The following USP10 variants were observed in gnomAD, a reference collection of about 807,000 sequenced individuals.
USP10 encodes ubiquitin specific peptidase 10.
In USP10, 22 loss-of-function variants were observed where a neutral mutation model predicts 84.5. That is an observed-to-expected ratio of 0.26 (90% confidence interval 0.19 to 0.37). USP10 has a LOEUF of 0.37. Among genes scored for constraint, USP10 ranks in the 10% least tolerant of loss-of-function variants. The pLI, the probability that USP10 is intolerant of heterozygous loss-of-function variation, is 1.00. For synonymous variants in USP10, 454 were observed against 387.6 expected, an observed-to-expected ratio of 1.17 and a Z score of -2.01; for missense variants, 1,019 against 998.9, an observed-to-expected ratio of 1.02 and a Z score of -0.27.
At chr16:84,701,426 C>G (rs1350717276) in intron 1 of USP10, among the ~76,000 whole-genome samples, 1 of 151,872 alleles carries the variant, frequency 6.6e-6, no homozygotes, top group Non-Finnish European at 1.5e-5. Flanking sequence ...AATGTATAGC[C>G]CAAAGATTTT....
chr16:84,763,160 T>A, intron 9 of USP10, 72 bp downstream of exon 9: 1 of 869,810 alleles, frequency 1.1e-6, no homozygotes, highest in Admixed American at 2.1e-5. Context: ...ACTCATATGT[T>A]ATGTTGCTTC....
rs896199143 is a variant in USP10 at position 84,768,049 on chromosome 16, C to A, written c.1833-144C>A. 7.0e-5 allele frequency: 56 copies of A among 803,426 alleles called. No individual in the cohort carries two copies. In the East Asian group the frequency reaches 1.4e-3, roughly 21 times the overall value. The allele number at this position is 803,426 out of a possible 1,614,324, so 49.8% of individuals were successfully genotyped here. ...TCTTCAGCAGAATTATTTTTAAATT[C>A]AGTATATTTTTGGCTTTTCTCTGTG... On this transcript the variant is annotated intron_variant, in intron 10 of 13. Transcript: ENST00000219473.
chr16:84,768,938 A>G (rs1914144758), intron 11 of USP10, among the ~76,000 whole-genome samples: 1 of 152,224 alleles, frequency 6.6e-6, no homozygotes, highest in Non-Finnish European at 1.5e-5. Context: ...AGTCCTTGTC[A>G]ACTCAGTTGG....
chr16:84,764,069 G>A lies in USP10; in HGVS notation c.1655-17G>A, dbSNP rs1422119300. 1.9e-6 allele frequency: 3 copies of A among 1,607,634 alleles called. No homozygotes were observed. The highest frequency in any genetic ancestry group is 1.3e-5 in the African/African-American group (1 of 74,354). ...CTTGTCGTAAATAGTAGTGTAAGCA[G>A]ATGCTCTCCTTTTCAGAACTTACGA... is the stretch of plus-strand genomic sequence containing the variant. On this transcript the variant is annotated splice_polypyrimidine_tract_variant and intron_variant, in intron 9 of 13. Coordinates refer to ENST00000219473, the MANE Select transcript of USP10 (RefSeq NM_005153.3).
chr16:84,737,567 G>T (rs1003530973), intron 2 of USP10, among the ~76,000 whole-genome samples: 1 of 152,154 alleles, frequency 6.6e-6, no homozygotes, highest in Non-Finnish European at 1.5e-5. Context: ...CTGCAGGTGC[G>T]CTCTTTTATC....
chr16:84,707,949 T>C (rs1365022500), intron 1 of USP10, among the ~76,000 whole-genome samples: 1 of 151,974 alleles, frequency 6.6e-6, no homozygotes, highest in Non-Finnish European at 1.5e-5. Flanking sequence ...ATGGTGGTGC[T>C]CTCCTGTAGT....
At chr16:84,748,168 A>G (rs1248070948) in intron 4 of USP10, among the ~76,000 whole-genome samples, 1 of 151,388 alleles carries the variant, frequency 6.6e-6, no homozygotes, top group Non-Finnish European at 1.5e-5. Context: ...AAAAAAAAAA[A>G]AAAAAAAAAG....
intron 10 of USP10, among the ~76,000 whole-genome samples, chr16:84,765,989 A>G (rs987823731): frequency 7.2e-5 from 11 of 152,108 alleles, no homozygotes; most frequent in African/African-American, 2.7e-4. Flanking sequence ...TTGGAGCCTA[A>G]TTTCCTTTCT....
intron 10 of USP10, among the ~76,000 whole-genome samples, chr16:84,766,449 G>A (rs1913872921): frequency 6.6e-6 from 1 of 152,136 alleles, no homozygotes; most frequent in Non-Finnish European, 1.5e-5. Context: ...GTCCAGGTTG[G>A]CGCGCAGCAG....
chr16:84,705,910 C>T (rs575952287), intron 1 of USP10, among the ~76,000 whole-genome samples: 22 of 151,808 alleles, frequency 1.4e-4, no homozygotes, highest in Admixed American at 6.6e-4. Context: ...TTAGTAGAAA[C>T]GGGGTTTCAC....
intron 1 of USP10, among the ~76,000 whole-genome samples, chr16:84,725,776 G>C (rs1908388406): frequency 6.6e-6 from 1 of 152,210 alleles, no homozygotes; most frequent in Non-Finnish European, 1.5e-5. Flanking sequence ...GAGATGGGAA[G>C]AATTTTAGAA....
chr16:84,739,125 C>G (rs555826281), intron 2 of USP10, among the ~76,000 whole-genome samples: 67 of 150,008 alleles, frequency 4.5e-4, no homozygotes, highest in African/African-American at 1.5e-3. Context: ...GTGGCACTAT[C>G]TCGGCTCACT....
intron 1 of USP10, among the ~76,000 whole-genome samples, chr16:84,719,677 A>T (rs1359210318): frequency 6.6e-6 from 1 of 152,256 alleles, no homozygotes; most frequent in Non-Finnish European, 1.5e-5. Flanking sequence ...CTTCTAGTGT[A>T]TGTAGGTCCC....
At chr16:84,736,720 G>A (rs1347215043) in intron 2 of USP10, among the ~76,000 whole-genome samples, 3 of 152,166 alleles carry the variant, frequency 2.0e-5, no homozygotes, top group Non-Finnish European at 4.4e-5. Flanking sequence ...TGTTGGCAGT[G>A]GGCAGTGTGT....
rs1197816467 is a variant in USP10 at position 84,709,599 on chromosome 16, A to G, written c.21+9488A>G. ...TGGCCATAAGGAGATCATTTAGGGC[A>G]GGGTCCTTGGACTTTTGACTCGGAG... On this transcript the variant is annotated intron_variant, in intron 1 of 13. Transcript: ENST00000219473. 3.3e-5 allele frequency among the ~76,000 whole-genome samples: 5 copies of G among 152,094 alleles called. No homozygotes were observed. In the East Asian group the frequency reaches 9.6e-4, roughly 29 times the overall value.
At chr16:84,738,208 A>G (rs889799806) in intron 2 of USP10, among the ~76,000 whole-genome samples, 1 of 152,224 alleles carries the variant, frequency 6.6e-6, no homozygotes, top group African/African-American at 2.4e-5. Context: ...CCCCGAGCAG[A>G]ACAGAATACT....
rs75423278 is a variant in USP10, at chr16:84,716,809, A to T, written c.22-16626A>T. ...ACCTTTATATACACCTTACAATTAC[A>T]TGGGGAGTGACCGCATGTCCTGGTC... On this transcript the variant is annotated intron_variant, in intron 1 of 13. Transcript: ENST00000219473. 8.5e-5 allele frequency among the ~76,000 whole-genome samples: 13 copies of T among 152,302 alleles called. No homozygotes were observed. The East Asian group carries it at 2.5e-3, about 29-fold the overall frequency.
rs541780115 is a variant in USP10 at position 84,775,816 on chromosome 16, T to A, written c.2209+591T>A. Reference sequence around the variant, plus strand: ...CTGGCTTAGGCTCCCTGCAGTATCATTTTTTCTGCCACATCATCTTCCCTT... The same window carrying A: ...CTGGCTTAGGCTCCCTGCAGTATCAATTTTTCTGCCACATCATCTTCCCTT... On this transcript the variant is annotated intron_variant, in intron 13 of 13. Transcript: ENST00000219473. Among the ~76,000 whole-genome samples, 12 of 152,324 alleles carry A rather than the reference T, an allele frequency of 7.9e-5. No individual in the cohort carries two copies. In the South Asian group the frequency reaches 2.1e-3, roughly 26 times the overall value.
At chr16:84,763,923 G>C (rs535572058) in intron 9 of USP10, among the ~76,000 whole-genome samples, 163 bp from the exon 10 acceptor site, 1 of 151,926 alleles carries the variant, frequency 6.6e-6, no homozygotes, top group Non-Finnish European at 1.5e-5. Context: ...GCGATTGGCC[G>C]TGGATCCAGT....
Sources: gnomAD v4.1 joint callset for allele counts (sites outside exome capture counted in the v4.1 genomes callset) on GRCh38, gnomAD v4.1.1 for gene constraint, MANE v1.5 for transcripts, NCBI Gene and HGNC (gene_info 2026-07-23, HGNC 2026-07-21) for gene names.